The following ZFAT variants were observed in gnomAD, a reference collection of about 807,000 sequenced individuals.
ZFAT encodes zinc finger and AT-hook domain containing.
A neutral mutation model predicts 117.7 loss-of-function variants in ZFAT; 64 were observed. That is an observed-to-expected ratio of 0.54 (90% CI 0.44 to 0.67). The LOEUF (loss-of-function observed/expected upper bound fraction) is 0.67, where lower values mean the gene tolerates loss of function less well. Among genes scored for constraint, ZFAT ranks in the 30% least tolerant of loss-of-function variants. The probability of loss-of-function intolerance (pLI) is 0.00; values close to 1 mark genes in which losing one functional copy is unlikely to be tolerated. For synonymous variants in ZFAT, 679 were observed against 615.0 expected, an observed-to-expected ratio of 1.10 and a Z score of -1.54; for missense variants, 1,433 against 1,584.5, an observed-to-expected ratio of 0.90 and a Z score of 1.62.
chr8:134,566,442 A>G (rs1373906103), intron 10 of ZFAT, among the ~76,000 whole-genome samples: 1 of 149,702 alleles, frequency 6.7e-6, no homozygotes, highest in Non-Finnish European at 1.5e-5. Context: ...TAAACATTCA[A>G]TAATGGGATA....
At chr8:134,790,576 C>T in the ZFAT span, among the ~76,000 whole-genome samples, 4 of 152,182 alleles carry the variant, frequency 2.6e-5, no homozygotes, top group Admixed American at 2.6e-4. Flanking sequence ...TTGTATACTA[C>T]ACATTCTGTT....
chr8:134,744,295 GTTTTTT>G, the ZFAT span, among the ~76,000 whole-genome samples: 1 of 132,124 alleles, frequency 7.6e-6, no homozygotes, highest in African/African-American at 2.8e-5. Context: ...GAGGCTAAGA[GTTTTTT>G]TTTTTTTTTT....
At chr8:134,614,767 A>C (rs917987282) in intron 3 of ZFAT, among the ~76,000 whole-genome samples, 42 of 152,308 alleles carry the variant, frequency 2.8e-4, no homozygotes, top group African/African-American at 9.1e-4. Flanking sequence ...GTCCAAGGAA[A>C]GGGTGTTTTT....
At chr8:134,822,601 A>C in the ZFAT span, among the ~76,000 whole-genome samples, 24 of 152,280 alleles carry the variant, frequency 1.6e-4, no homozygotes, top group East Asian at 4.6e-3. Flanking sequence ...TTTAATTGTT[A>C]TGAGAGCATA....
At position 134,600,501 on chromosome 8, in the gene ZFAT, C is replaced by T. The variant is rs201031325; in HGVS notation, c.2410G>A (p.Gly804Ser). 50 of 1,614,162 alleles carry T rather than the reference C, an allele frequency of 3.1e-5. No homozygotes were observed. The Admixed American group carries it at 4.8e-4, about 16-fold the overall frequency. ...SNILLKCPTD[G>S]CDYSTPDKYK... ...TTATCTGGAGTTGAGTAGTCACAGCCATCGGTGGGACACTTCAGCAAGATG... is the reference window on the plus strand; with the variant it reads ...TTATCTGGAGTTGAGTAGTCACAGCTATCGGTGGGACACTTCAGCAAGATG... The change falls in exon 7 of 16, where the codon GGC becomes AGC. Residue 804 changes from glycine (G) to serine (S), a missense_variant. Physicochemically the swap from Gly to Ser is moderately conservative, Grantham distance 56. Transcript: ENST00000377838.
At position 134,602,158 on chromosome 8, in the gene ZFAT, C is replaced by G. The variant is rs1207964577; in HGVS notation, c.1561G>C (p.Glu521Gln). The part of the protein sequence containing the change: ...ALGDQLQLVE[E>Q]EFALQGVNAL... The stretch of plus-strand genomic sequence containing the variant: ...TTCACGCCCTGGAGGGCAAACTCCT[C>G]TTCCACCAGCTGTAGCTGGTCCCCC... The change falls in exon 6 of 16, where the codon GAG becomes CAG. Residue 521 changes from glutamate to glutamine, a missense_variant. Glu to Gln is a conservative substitution (Grantham distance 29, BLOSUM62 2). Transcript: ENST00000377838. The G allele has an allele frequency of 9.9e-6, 16 of 1,613,412 alleles. No homozygotes were observed. Among genetic ancestry groups the G allele is most frequent in the Non-Finnish European group, 1.4e-5 (16 of 1,179,970 alleles).
chr8:134,613,337 C>T (rs78274993), intron 3 of ZFAT, among the ~76,000 whole-genome samples: 2,866 of 152,138 alleles, frequency 0.019, 80 homozygotes, highest in African/African-American at 0.065. Context: ...CGCTCTGCAA[C>T]GGATAAACTG....
At chr8:134,578,613 C>T (rs1825492175) in intron 10 of ZFAT, among the ~76,000 whole-genome samples, 1 of 152,004 alleles carries the variant, frequency 6.6e-6, no homozygotes, top group African/African-American at 2.4e-5. Context: ...TCCACAGGAT[C>T]ACTGGCTGTT....
At chr8:134,673,399 G>A (rs1832650086) in intron 1 of ZFAT, 1 of 170,846 alleles carries the variant, frequency 5.9e-6, no homozygotes, top group African/African-American at 2.4e-5. Flanking sequence ...AAGGACTTCA[G>A]AATGAATGAA....
intron 15 of ZFAT, among the ~76,000 whole-genome samples, chr8:134,499,742 G>T (rs528069984): frequency 6.6e-6 from 1 of 152,242 alleles, no homozygotes; most frequent in African/African-American, 2.4e-5. Context: ...CTGGCCGGGG[G>T]ACTACGTTTT....
At chr8:134,488,997 GGGGGGT>G (rs1386205356) in intron 15 of ZFAT, among the ~76,000 whole-genome samples, 5 of 149,184 alleles carry the variant, frequency 3.4e-5, no homozygotes, top group Admixed American at 6.6e-5. Flanking sequence ...CAGAACAAGT[GGGGGGT>G]GGGGGTGGGG....
intron 3 of ZFAT, among the ~76,000 whole-genome samples, chr8:134,631,339 G>A (rs1563699642): frequency 6.6e-6 from 1 of 152,164 alleles, no homozygotes. Context: ...GAGACATGCT[G>A]AACTGGAGAA....
At chr8:134,674,839 T>A (rs777621919) in intron 1 of ZFAT, 1 of 261,364 alleles carries the variant, frequency 3.8e-6, no homozygotes, top group Non-Finnish European at 7.7e-6. Context: ...CCACTGGTGA[T>A]ACCCAGGCAA....
intron 1 of ZFAT, among the ~76,000 whole-genome samples, chr8:134,667,560 T>C (rs1832297485): frequency 6.8e-6 from 1 of 147,084 alleles, no homozygotes; most frequent in African/African-American, 2.5e-5. Context: ...GGCACATATG[T>C]AACAAACCTT....
chr8:134,622,642 C>T (rs754564286), intron 3 of ZFAT, among the ~76,000 whole-genome samples: 2 of 152,144 alleles, frequency 1.3e-5, no homozygotes, highest in African/African-American at 2.4e-5. Flanking sequence ...CCCCTCCCCC[C>T]TCTCCACCCA....
chr8:134,581,651 T>A (rs1301544934), intron 10 of ZFAT, among the ~76,000 whole-genome samples: 1 of 152,132 alleles, frequency 6.6e-6, no homozygotes, highest in Admixed American at 6.5e-5. Context: ...AGTGGTGCGA[T>A]CTTGGCTCAC....
At chr8:134,797,113 T>C in the ZFAT span, 1 of 152,110 alleles carries the variant, frequency 6.6e-6, no homozygotes, top group African/African-American at 2.4e-5. Context: ...ACTTGAAAAA[T>C]AACTCAGTAT....
chr8:134,549,169 C>T (rs559421918), intron 11 of ZFAT, among the ~76,000 whole-genome samples: 8 of 152,260 alleles, frequency 5.3e-5, no homozygotes, highest in Non-Finnish European at 1.0e-4. Context: ...AGACCGGGTG[C>T]AGTGGCTCAT....
chr8:134,593,100 C>A (rs898983785), intron 7 of ZFAT, among the ~76,000 whole-genome samples: 2 of 152,038 alleles, frequency 1.3e-5, no homozygotes, highest in Admixed American at 1.3e-4. Context: ...CCGGGTCAGG[C>A]GGGCATCCTG....
Sources: gnomAD v4.1 joint callset for allele counts (sites outside exome capture counted in the v4.1 genomes callset) on GRCh38, gnomAD v4.1.1 for gene constraint, MANE v1.5 for transcripts, NCBI Gene and HGNC (gene_info 2026-07-23, HGNC 2026-07-21) for gene names.